The following PACRG variants were observed in gnomAD, a reference collection of about 807,000 sequenced individuals.
PACRG encodes the protein parkin coregulated gene protein.
A neutral mutation model predicts 29.7 loss-of-function variants in PACRG; 29 were observed. The observed-to-expected ratio is 0.98, with a 90% CI of 0.73 to 1.33. The LOEUF is 1.33. Ranked by LOEUF, PACRG falls within the 40% of genes most tolerant of loss-of-function variation. The pLI, the probability that PACRG is intolerant of heterozygous loss-of-function variation, is 0.00. For missense variants in PACRG, 279 were observed against 316.2 expected, an observed-to-expected ratio of 0.88 and a Z score of 0.89; for synonymous variants, 116 against 118.7, an observed-to-expected ratio of 0.98 and a Z score of 0.15.
At chr6:163,041,060 G>A (rs901409251) in intron 2 of PACRG, among the ~76,000 whole-genome samples, 8 of 152,174 alleles carry the variant, frequency 5.3e-5, no homozygotes, top group East Asian at 1.9e-4. Context: ...TACATCAGCC[G>A]GGTGCAGTGG....
chr6:163,150,516 AG>A (rs1303510347), intron 4 of PACRG, among the ~76,000 whole-genome samples: 6 of 152,336 alleles, frequency 3.9e-5, no homozygotes, highest in Admixed American at 2.6e-4. Context: ...CTTCTCTGTC[AG>A]GAACATCTCC....
chr6:162,805,060 A>G (rs1238197432), intron 1 of PACRG, among the ~76,000 whole-genome samples: 1 of 152,228 alleles, frequency 6.6e-6, no homozygotes, highest in African/African-American at 2.4e-5. Flanking sequence ...GTGTATCTTA[A>G]ACATATCTAA....
intron 1 of PACRG, among the ~76,000 whole-genome samples, chr6:162,808,085 A>T (rs750537415): frequency 2.6e-5 from 4 of 152,170 alleles, no homozygotes; most frequent in Non-Finnish European, 4.4e-5. Flanking sequence ...TGTCCTGGTC[A>T]TTTGGTGACC....
chr6:163,158,341 C>T (rs1778404026), intron 4 of PACRG, among the ~76,000 whole-genome samples: 1 of 152,188 alleles, frequency 6.6e-6, no homozygotes, highest in African/African-American at 2.4e-5. Context: ...TTAGTAACTG[C>T]TTGTGCATGC....
chr6:162,962,694 T>C (rs527328192), intron 2 of PACRG, among the ~76,000 whole-genome samples: 6 of 152,324 alleles, frequency 3.9e-5, no homozygotes, highest in African/African-American at 1.4e-4. Flanking sequence ...TCTTGGACTT[T>C]GCAGCCTCCA....
At chr6:163,004,726 G>GTGTGTGTA (rs1397778335) in intron 2 of PACRG, among the ~76,000 whole-genome samples, 1 of 135,986 alleles carries the variant, frequency 7.4e-6, no homozygotes, top group Non-Finnish European at 1.5e-5. Flanking sequence ...GTGTGTGTGT[G>GTGTGTGTA]TATATATATA....
At chr6:163,133,329 G>A (rs975955319) in intron 4 of PACRG, among the ~76,000 whole-genome samples, 1 of 152,178 alleles carries the variant, frequency 6.6e-6, no homozygotes, top group Non-Finnish European at 1.5e-5. Flanking sequence ...AGAATAAGTG[G>A]AACTGAATTT....
chr6:162,963,981 G>A (rs1309496555), intron 2 of PACRG, among the ~76,000 whole-genome samples: 1 of 152,104 alleles, frequency 6.6e-6, no homozygotes, highest in Non-Finnish European at 1.5e-5. Flanking sequence ...AGCCCATAAA[G>A]ACTAGTGAGA....
At position 162,756,775 on chromosome 6, in the gene PACRG, T is replaced by C. The variant is rs369480304; in HGVS notation, c.156+28384T>C. 6.8e-4 allele frequency among the ~76,000 whole-genome samples: 104 copies of C among 152,276 alleles called. No homozygotes were observed. The East Asian group carries it at 0.01, about 15-fold the overall frequency. Reference sequence around the variant, plus strand: ...GGTTTGATAGTTTTCTGTGGTTGTATGCTTTGAGTCCTTTTTAAAAGTAAT... The same window carrying C: ...GGTTTGATAGTTTTCTGTGGTTGTACGCTTTGAGTCCTTTTTAAAAGTAAT... On this transcript the variant is annotated intron_variant, in intron 1 of 4. Coordinates refer to ENST00000366888, the MANE Select transcript of PACRG (RefSeq NM_001080379.2).
intron 4 of PACRG, chr6:163,189,380 G>C (rs1159296361): frequency 6.6e-6 from 1 of 152,190 alleles, no homozygotes; most frequent in Non-Finnish European, 1.5e-5. Context: ...AAAAAAGAGA[G>C]AATTATCTTC....
chr6:163,168,157 C>T (rs1778905082), intron 4 of PACRG, among the ~76,000 whole-genome samples: 1 of 152,170 alleles, frequency 6.6e-6, no homozygotes, highest in South Asian at 2.1e-4. Context: ...TGTAGGAAAA[C>T]AGAATGGGCA....
intron 2 of PACRG, among the ~76,000 whole-genome samples, chr6:163,028,656 A>G (rs1807370617): frequency 6.6e-6 from 1 of 152,258 alleles, no homozygotes; most frequent in Non-Finnish European, 1.5e-5. Flanking sequence ...AGTTTAAATG[A>G]TCAAAAATGA....
chr6:162,727,783 C>A, upstream of PACRG: 1 of 1,130,378 alleles, frequency 8.8e-7, no homozygotes. Context: ...CTCCCCGCCC[C>A]CGCGCCCGGC....
rs185211121 is a variant in PACRG, at chr6:162,802,519, A to T, written c.157-11628A>T. Among the ~76,000 whole-genome samples the T allele has an allele frequency of 5.9e-4, 90 of 152,272 alleles. 1 individual carries two copies. Among genetic ancestry groups the T allele is most frequent in the South Asian group, 5.0e-3 (24 of 4,828 alleles). On this transcript the variant is annotated intron_variant, in intron 1 of 4. Transcript: ENST00000366888. ...TATAATTTATGAATTCCAGTGTAATAGTCCATTAATTTACCTCTCTTTTCC... is the reference window on the plus strand; with the variant it reads ...TATAATTTATGAATTCCAGTGTAATTGTCCATTAATTTACCTCTCTTTTCC...
At chr6:162,746,938 T>C (rs892871740) in intron 1 of PACRG, among the ~76,000 whole-genome samples, 11 of 152,194 alleles carry the variant, frequency 7.2e-5, no homozygotes, top group Admixed American at 2.0e-4. Flanking sequence ...GATTTGAAAC[T>C]TATCAACACT....
upstream of PACRG, chr6:162,727,870 A>G (rs948590167): frequency 3.3e-6 from 2 of 598,422 alleles, no homozygotes; most frequent in Non-Finnish European, 5.8e-6. Context: ...GTTTCTCCTC[A>G]CGCCTCCTGC....
intron 4 of PACRG, among the ~76,000 whole-genome samples, chr6:163,269,425 A>T (rs551958063): frequency 3.3e-5 from 5 of 152,288 alleles, no homozygotes; most frequent in African/African-American, 9.6e-5. Context: ...GGTTCTGTAG[A>T]TAGCCCCTAC....
chr6:163,305,759 T>C (rs1315384118), intron 4 of PACRG, among the ~76,000 whole-genome samples: 1 of 152,154 alleles, frequency 6.6e-6, no homozygotes, highest in Non-Finnish European at 1.5e-5. Context: ...AGTGTAATAG[T>C]CTATGTCATA....
chr6:162,765,094 T>C (rs572825278), intron 1 of PACRG, among the ~76,000 whole-genome samples: 35 of 152,158 alleles, frequency 2.3e-4, no homozygotes, highest in African/African-American at 5.5e-4. Context: ...CTATTTATCA[T>C]CATCATCATC....
Sources: allele counts gnomAD v4.1 joint callset (sites outside exome capture counted in the v4.1 genomes callset), GRCh38; gene constraint gnomAD v4.1.1; transcripts MANE v1.5; gene names NCBI Gene and HGNC (gene_info 2026-07-23, HGNC 2026-07-21).